Variants in KCNQ1OT1 observed in about 807,000 individuals in gnomAD.
KCNQ1OT1 encodes the protein KCNQ1 antisense RNA 2 (non-protein coding).
chr11:2,626,851 A>G lies in KCNQ1OT1; in HGVS notation n.73144T>C. On this transcript the variant is annotated non_coding_transcript_exon_variant, in exon 1 of 1. Transcript: ENST00000597346. The surrounding 1 kb of genome is among the most constrained non-coding windows in gnomAD (Gnocchi z 4.0). ...CCTGTAGTAAGTTTTCAAATCAGAA[A>G]GTGTGAGTCCTCCAATGTTGTTCAT... The G allele has an allele frequency of 2.5e-6, 1 of 398,600 alleles. No individual in the cohort carries two copies. The highest frequency in any genetic ancestry group is 1.3e-4 in the South Asian group (1 of 7,854). 24.7% of individuals were successfully genotyped at this position (398,600 alleles called of 1,614,324 possible).
exon 1 of KCNQ1OT1, chr11:2,616,862 G>T: frequency 2.5e-6 from 1 of 398,160 alleles, no homozygotes; most frequent in South Asian, 1.3e-4. Context: ...GTAGTTGGGT[G>T]GAGTGTCCAT....
exon 1 of KCNQ1OT1, chr11:2,656,902 T>C (rs1849860550): frequency 2.5e-6 from 1 of 398,526 alleles, no homozygotes; most frequent in South Asian, 1.3e-4. Context: ...TGGTATATGA[T>C]GTGAGGTAAT....
rs997649944 is a variant in KCNQ1OT1, at chr11:2,657,838, C to T, written n.42157G>A. 7.5e-6 allele frequency: 3 copies of T among 398,564 alleles called. No individual in the cohort carries two copies. The East Asian group carries it at 1.1e-4, about 14-fold the overall frequency. 24.7% of individuals were successfully genotyped at this position (398,564 alleles called of 1,614,324 possible). A position where few individuals can be genotyped will look rare whatever the true frequency, so the allele number is the denominator to read the frequency against. On this transcript the variant is annotated non_coding_transcript_exon_variant, in exon 1 of 1. Transcript: ENST00000597346. The surrounding 1 kb of genome is among the most constrained non-coding windows in gnomAD (Gnocchi z 4.8). Reference sequence around the variant, plus strand: ...AGTTTGGATTTGTCTGGTGTTTTCTCAGGACTAGACCAGGGTTATAGGTTT... The same window carrying T: ...AGTTTGGATTTGTCTGGTGTTTTCTTAGGACTAGACCAGGGTTATAGGTTT...
exon 1 of KCNQ1OT1, chr11:2,630,411 C>T: frequency 2.5e-6 from 1 of 398,226 alleles, no homozygotes. Flanking sequence ...AGTATGAGGG[C>T]AATGCTAGCC....
chr11:2,669,797 T>C lies in KCNQ1OT1; in HGVS notation n.30198A>G, dbSNP rs1850148557. On this transcript the variant is annotated non_coding_transcript_exon_variant, in exon 1 of 1. Coordinates refer to ENST00000597346, the Ensembl canonical transcript of KCNQ1OT1. The surrounding 1 kb of genome is among the most constrained non-coding windows in gnomAD (Gnocchi z 5.6). ...AGATCCTGTGGGGACATTCCTTATTTGGCCTGAGAGCTTTTGAGACTGCCA... is the reference window on the plus strand; with the variant it reads ...AGATCCTGTGGGGACATTCCTTATTCGGCCTGAGAGCTTTTGAGACTGCCA... The C allele has an allele frequency of 5.0e-6, 2 of 398,532 alleles. No individual in the cohort carries two copies. Among genetic ancestry groups the C allele is most frequent in the South Asian group, 2.5e-4 (2 of 7,868 alleles). 24.7% of individuals were successfully genotyped at this position (398,532 alleles called of 1,614,324 possible).
Position 2,642,355 on chromosome 11 carries a change from T to G in KCNQ1OT1, n.57640A>C, listed in dbSNP as rs1849593118. 2 of 398,138 alleles carry G rather than the reference T, an allele frequency of 5.0e-6. No individual in the cohort carries two copies. Among genetic ancestry groups the G allele is most frequent in the Non-Finnish European group, 8.9e-6 (2 of 225,864 alleles). 24.7% of individuals were successfully genotyped at this position (398,138 alleles called of 1,614,324 possible). A position where few individuals can be genotyped will look rare whatever the true frequency, so the allele number is the denominator to read the frequency against. ...CTTTGGTTAAACTCATTCCTAGATT[T>G]TTTGTAGTGGTTGTAAAAGATAATG... On this transcript the variant is annotated non_coding_transcript_exon_variant, in exon 1 of 1. Transcript: ENST00000597346. This position sits in a 1 kb window ranked among gnomAD's most constrained non-coding sequence, Gnocchi z 4.3.
At chr11:2,631,500 T>A (rs748885201) in exon 1 of KCNQ1OT1, 58 of 398,456 alleles carry the variant, frequency 1.5e-4, no homozygotes, top group Non-Finnish European at 2.3e-4. Context: ...AGGTTGTCTC[T>A]CTGTTCTCTG....
At position 2,666,941 on chromosome 11, in the gene KCNQ1OT1, T is replaced by A. The variant is rs544415825; in HGVS notation, n.33054A>T. The A allele has an allele frequency of 1.0e-5, 4 of 398,740 alleles. No homozygotes were observed. In the East Asian group the frequency reaches 1.1e-4, roughly 11 times the overall value. The allele number at this position is 398,740 out of a possible 1,614,324, so 24.7% of individuals were successfully genotyped here. A position where few individuals can be genotyped will look rare whatever the true frequency, so the allele number is the denominator to read the frequency against. ...TGCAAAGCTCCAGACCACCTCTGTCTGCACGAGATGCCAAGGAAGCCCTCT... is the reference window on the plus strand; with the variant it reads ...TGCAAAGCTCCAGACCACCTCTGTCAGCACGAGATGCCAAGGAAGCCCTCT... On this transcript the variant is annotated non_coding_transcript_exon_variant, in exon 1 of 1. Transcript: ENST00000597346.
exon 1 of KCNQ1OT1, chr11:2,649,434 T>C (rs999825907): frequency 2.5e-6 from 1 of 398,474 alleles, no homozygotes; most frequent in African/African-American, 2.1e-5. Context: ...CTTCCAGATG[T>C]AGTACTCCCT....
At position 2,657,352 on chromosome 11, in the gene KCNQ1OT1, A is replaced by G. The variant is rs188011095; in HGVS notation, n.42643T>C. On this transcript the variant is annotated non_coding_transcript_exon_variant, in exon 1 of 1. Coordinates refer to ENST00000597346, the Ensembl canonical transcript of KCNQ1OT1. This position sits in a 1 kb window ranked among gnomAD's most constrained non-coding sequence, Gnocchi z 4.8. Reference sequence around the variant, plus strand: ...CTTCTAGTCATTGGAATGAAGGCATATTTCTCCATTTATATCTTCTTCATT... The same window carrying G: ...CTTCTAGTCATTGGAATGAAGGCATGTTTCTCCATTTATATCTTCTTCATT... 1 of 398,498 alleles carries G rather than the reference A, an allele frequency of 2.5e-6. No homozygotes were observed. The highest frequency in any genetic ancestry group is 3.6e-5 in the East Asian group (1 of 28,064). 24.7% of individuals were successfully genotyped at this position (398,498 alleles called of 1,614,324 possible).
exon 1 of KCNQ1OT1, chr11:2,630,178 T>C: frequency 2.5e-6 from 1 of 398,376 alleles, no homozygotes; most frequent in Non-Finnish European, 4.4e-6. Context: ...AAAATGATTG[T>C]ATGATTTTTA....
exon 1 of KCNQ1OT1, chr11:2,680,011 A>T: frequency 2.5e-6 from 1 of 396,692 alleles, no homozygotes; most frequent in Non-Finnish European, 4.4e-6. Flanking sequence ...CTCCTGCCTT[A>T]GCCTCCCTAG....
exon 1 of KCNQ1OT1, chr11:2,641,885 G>A (rs1309268441): frequency 1.3e-5 from 5 of 398,448 alleles, no homozygotes; most frequent in Non-Finnish European, 2.2e-5. Flanking sequence ...TAAGTGAAGA[G>A]GGTGCTCTTT....
Position 2,659,045 on chromosome 11 carries a change from C to T in KCNQ1OT1, n.40950G>A, listed in dbSNP as rs1057285552. ...TCCTCCTTTCCTTTCACTGCTATGTCATTTGTTTGTAACACGCTCATCATA... is the reference window on the plus strand; with the variant it reads ...TCCTCCTTTCCTTTCACTGCTATGTTATTTGTTTGTAACACGCTCATCATA... On this transcript the variant is annotated non_coding_transcript_exon_variant, in exon 1 of 1. Coordinates refer to ENST00000597346, the Ensembl canonical transcript of KCNQ1OT1. The surrounding 1 kb of genome is among the most constrained non-coding windows in gnomAD (Gnocchi z 4.3). 2.5e-6 allele frequency: 1 copy of T among 398,458 alleles called. No individual in the cohort carries two copies. The highest frequency in any genetic ancestry group is 2.1e-5 in the African/African-American group (1 of 48,606). The allele number at this position is 398,458 out of a possible 1,614,324, so 24.7% of individuals were successfully genotyped here. A position where few individuals can be genotyped will look rare whatever the true frequency, so the allele number is the denominator to read the frequency against.
At chr11:2,672,233 C>A (rs1204384106) in exon 1 of KCNQ1OT1, 1 of 398,546 alleles carries the variant, frequency 2.5e-6, no homozygotes, top group African/African-American at 2.1e-5. Flanking sequence ...GTCCAAAATA[C>A]TCAAATGCTT....
At chr11:2,699,976 G>A (rs2133903705) in exon 1 of KCNQ1OT1, 1 of 398,322 alleles carries the variant, frequency 2.5e-6, no homozygotes, top group South Asian at 1.3e-4. Flanking sequence ...CCGTGCTGAG[G>A]CGACGCGGCG....
At chr11:2,638,732 G>A (rs78192101) in exon 1 of KCNQ1OT1, 5 of 152,228 alleles carry the variant, frequency 3.3e-5, no homozygotes, top group African/African-American at 7.2e-5. Context: ...GCCTTGCTAG[G>A]TTGGGGAAGT....
At position 2,695,554 on chromosome 11, in the gene KCNQ1OT1, T is replaced by C. The variant is rs1025639309; in HGVS notation, n.4441A>G. On this transcript the variant is annotated non_coding_transcript_exon_variant, in exon 1 of 1. Transcript: ENST00000597346. This position sits in a 1 kb window ranked among gnomAD's most constrained non-coding sequence, Gnocchi z 5.2. ...AACTGCCCACCCCTATGGGCCATGC[T>C]GCCCTGAGCATGCACACACACAGCC... is the stretch of plus-strand genomic sequence containing the variant. 21 of 398,688 alleles carry C rather than the reference T, an allele frequency of 5.3e-5. No individual in the cohort carries two copies. The highest frequency in any genetic ancestry group is 4.1e-4 in the African/African-American group (20 of 48,756). The allele number at this position is 398,688 out of a possible 1,614,324, so 24.7% of individuals were successfully genotyped here.
chr11:2,664,250 G>C lies in KCNQ1OT1; in HGVS notation n.35745C>G, dbSNP rs764527977. On this transcript the variant is annotated non_coding_transcript_exon_variant, in exon 1 of 1. Transcript: ENST00000597346. This position sits in a 1 kb window ranked among gnomAD's most constrained non-coding sequence, Gnocchi z 5.1. ...GGTGAGGGATCTGAAGAGGGGACTG[G>C]GAGAGGGAAAAACAAGGAGGTTGCT... is the stretch of plus-strand genomic sequence containing the variant. 7.8e-5 allele frequency: 31 copies of C among 398,960 alleles called. No homozygotes were observed. The highest frequency in any genetic ancestry group is 1.4e-4 in the Non-Finnish European group (31 of 226,430). 24.7% of individuals were successfully genotyped at this position (398,960 alleles called of 1,614,324 possible).
Sources: allele counts gnomAD v4.1 joint callset, GRCh38; gene constraint gnomAD v4.1.1; non-coding constraint Gnocchi (gnomAD v3.1); transcripts MANE v1.5; gene names NCBI Gene and HGNC (gene_info 2026-07-23, HGNC 2026-07-21).